The following OSBPL1A variants were observed in gnomAD, a reference collection of about 807,000 sequenced individuals.
OSBPL1A encodes the protein oxysterol binding protein like 1A, also known as oxysterol-binding protein-related protein 1.
Under a neutral mutation model 137.1 loss-of-function variants are expected in OSBPL1A, and 80 were observed. The ratio of observed to expected loss-of-function variants is 0.58; its 90% CI spans 0.49 to 0.70. OSBPL1A has a LOEUF of 0.70. Among genes scored for constraint, OSBPL1A ranks in the 30% least tolerant of loss-of-function variants. The pLI is 0.00. For missense variants in OSBPL1A, 970 were observed against 1,129.4 expected (o/e 0.86, Z 2.02); for synonymous variants, 365 against 389.7 (o/e 0.94, Z 0.75).
intron 7 of OSBPL1A, among the ~76,000 whole-genome samples, chr18:24,326,496 T>C (rs883597): frequency 0.46 from 69,684 of 152,080 alleles, 16,764 homozygotes; most frequent in Middle Eastern, 0.57. Context: ...AAATGTAACA[T>C]TGAGGTTGAG....
chr18:24,278,043 T>C (rs1037601463), intron 15 of OSBPL1A, among the ~76,000 whole-genome samples: 1 of 152,230 alleles, frequency 6.6e-6, no homozygotes, highest in African/African-American at 2.4e-5. Flanking sequence ...CTCTGAGGTG[T>C]TTATTTTCAT....
chr18:24,187,377 AGGTGG>A (rs2086778931), intron 18 of OSBPL1A, among the ~76,000 whole-genome samples: 1 of 152,168 alleles, frequency 6.6e-6, no homozygotes, highest in Admixed American at 6.5e-5. Flanking sequence ...AAAATGGTGA[AGGTGG>A]TGCCTTTTTT....
At position 24,271,500 on chromosome 18, in the gene OSBPL1A, A is replaced by C; in HGVS notation, c.1281+9342T>G. The C allele has an allele frequency of 3.2e-6, 3 of 944,420 alleles. No homozygotes were observed. Among genetic ancestry groups the C allele is most frequent in the Non-Finnish European group, 2.5e-6 (2 of 792,818 alleles). The allele number at this position is 944,420 out of a possible 1,614,324, so 58.5% of individuals were successfully genotyped here. On this transcript the variant is annotated intron_variant, in intron 15 of 27. Transcript: ENST00000319481. The surrounding 1 kb of genome is among the most constrained non-coding windows in gnomAD (Gnocchi z 4.0). ...CCACTCTGCACACACACGTCCAACT[A>C]TTCTTGGATCTACTCACATCCCTGG...
chr18:24,276,423 C>T (rs2089847093), intron 15 of OSBPL1A, among the ~76,000 whole-genome samples: 1 of 152,116 alleles, frequency 6.6e-6, no homozygotes, highest in African/African-American at 2.4e-5. Flanking sequence ...ATTTTCTCAA[C>T]AGCATAAGCA....
chr18:24,168,989 A>T (rs569265083), intron 24 of OSBPL1A, among the ~76,000 whole-genome samples: 4 of 152,358 alleles, frequency 2.6e-5, no homozygotes, highest in Non-Finnish European at 4.4e-5. Flanking sequence ...GCCTCCTATT[A>T]GCAGGAGCTG....
At chr18:24,289,524 C>G (rs2146084892) in intron 14 of OSBPL1A, among the ~76,000 whole-genome samples, 1 of 147,652 alleles carries the variant, frequency 6.8e-6, no homozygotes, top group South Asian at 2.2e-4. Context: ...CGGGTTCAAG[C>G]AATTCTCCTG....
chr18:24,163,745 T>G (rs55848119), intron 27 of OSBPL1A, among the ~76,000 whole-genome samples: 1 of 152,010 alleles, frequency 6.6e-6, no homozygotes, highest in Admixed American at 6.6e-5. Context: ...TTTTTTTTTT[T>G]CTTTGAGAAG....
chr18:24,260,145 A>T lies in OSBPL1A; in HGVS notation c.1281+20697T>A, dbSNP rs1178811058. 3.3e-5 allele frequency among the ~76,000 whole-genome samples: 5 copies of T among 152,294 alleles called. No individual in the cohort carries two copies. The East Asian group carries it at 9.6e-4, about 29-fold the overall frequency. ...ACTTCACACCTACTAGAATGGCTAT[A>T]ATTTTTTTTAAAAAAAAGAAAATAA... On this transcript the variant is annotated intron_variant, in intron 15 of 27. Coordinates refer to ENST00000319481, the MANE Select transcript of OSBPL1A (RefSeq NM_080597.4).
intron 5 of OSBPL1A, among the ~76,000 whole-genome samples, chr18:24,335,942 C>T (rs1423474006): frequency 1.3e-5 from 2 of 152,242 alleles, no homozygotes; most frequent in African/African-American, 2.4e-5. Flanking sequence ...CCTCAGAAGA[C>T]AGCCAAGACT....
intron 15 of OSBPL1A, among the ~76,000 whole-genome samples, chr18:24,257,587 T>C (rs1379220376): frequency 1.3e-5 from 2 of 152,004 alleles, no homozygotes; most frequent in African/African-American, 4.8e-5. Flanking sequence ...TTCTTAGTAA[T>C]ACCCCACAAG....
rs920702448 is a variant in OSBPL1A, at chr18:24,284,625, G to C, written c.1175-3677C>G. Among the ~76,000 whole-genome samples the C allele has an allele frequency of 9.2e-4, 37 of 40,130 alleles. No homozygotes were observed. In the Middle Eastern group the frequency reaches 0.049, roughly 53 times the overall value. The allele number at this position is 40,130 out of a possible 152,430, so 26.3% of individuals were successfully genotyped here. A position where few individuals can be genotyped will look rare whatever the true frequency, so the allele number is the denominator to read the frequency against. On this transcript the variant is annotated intron_variant, in intron 14 of 27. Transcript: ENST00000319481. The stretch of plus-strand genomic sequence containing the variant: ...ACAGACAACCTCCACTGTTATCCTA[G>C]TGTAAAAAAAAAAAAGTCCACATTT...
intron 14 of OSBPL1A, among the ~76,000 whole-genome samples, chr18:24,284,096 C>T (rs1222289510): frequency 1.3e-5 from 2 of 152,226 alleles, no homozygotes; most frequent in East Asian, 3.9e-4. Context: ...TTGAAATGAA[C>T]TTCCACAGCG....
At chr18:24,310,196 G>A (rs1236410605) in intron 13 of OSBPL1A, among the ~76,000 whole-genome samples, 1 of 151,848 alleles carries the variant, frequency 6.6e-6, no homozygotes, top group South Asian at 2.1e-4. Flanking sequence ...AAAGGCAAAA[G>A]CTTCATGGTT....
intron 15 of OSBPL1A, among the ~76,000 whole-genome samples, chr18:24,278,098 CTG>C (rs2089884082): frequency 6.6e-6 from 1 of 152,164 alleles, no homozygotes; most frequent in Non-Finnish European, 1.5e-5. Flanking sequence ...TAGAGAAAGA[CTG>C]AGATTAAAAA....
At chr18:24,387,066 T>C (rs1311058369) in intron 1 of OSBPL1A, among the ~76,000 whole-genome samples, 2 of 152,158 alleles carry the variant, frequency 1.3e-5, no homozygotes, top group East Asian at 1.9e-4. Context: ...GAAATATGTA[T>C]TTTTGAAATA....
chr18:24,175,104 GTATGTATATA>G lies in OSBPL1A; in HGVS notation c.2094-2631_2094-2622del, dbSNP rs1441103433. Among the ~76,000 whole-genome samples the G allele has an allele frequency of 6.8e-4, 29 of 42,718 alleles. 1 individual carries two copies. Among genetic ancestry groups the G allele is most frequent in the East Asian group, 1.6e-3 (2 of 1,234 alleles). The allele number at this position is 42,718 out of a possible 152,430, so 28.0% of individuals were successfully genotyped here. A position where few individuals can be genotyped will look rare whatever the true frequency, so the allele number is the denominator to read the frequency against. On this transcript the variant is annotated intron_variant, in intron 21 of 27. Transcript: ENST00000319481. ...GACTTCATGTGCTTATTTGCCATGT[GTATGTATATA>G]TATATATATATATATATATATACAC...
chr18:24,257,926 T>C (rs2089330667), intron 15 of OSBPL1A, among the ~76,000 whole-genome samples: 1 of 152,156 alleles, frequency 6.6e-6, no homozygotes, highest in Non-Finnish European at 1.5e-5. Flanking sequence ...CGATGAGGTA[T>C]CATCTCATCC....
intron 17 of OSBPL1A, among the ~76,000 whole-genome samples, chr18:24,214,036 T>C (rs915970070): frequency 2.0e-5 from 3 of 152,206 alleles, no homozygotes; most frequent in African/African-American, 4.8e-5. Context: ...TCCCTTACTA[T>C]AGGCCTGCTT....
At chr18:24,328,233 T>TC (rs2091015872) in intron 7 of OSBPL1A, among the ~76,000 whole-genome samples, 1 of 139,766 alleles carries the variant, frequency 7.2e-6, no homozygotes, top group African/African-American at 2.7e-5. Flanking sequence ...TTTTTTTTTT[T>TC]TTTTTTTTTT....
Sources: gnomAD v4.1 joint callset for allele counts (sites outside exome capture counted in the v4.1 genomes callset) on GRCh38, gnomAD v4.1.1 for gene constraint, Gnocchi (gnomAD v3.1) non-coding constraint, MANE v1.5 for transcripts, NCBI Gene and HGNC (gene_info 2026-07-23, HGNC 2026-07-21) for gene names.